Variants in ILRUN observed in about 807,000 individuals in gnomAD.
The protein encoded by ILRUN is protein ILRUN.
ILRUN carries 3 observed loss-of-function variants against 33.8 expected under a neutral mutation model. The observed-to-expected ratio is 0.09, with a 90% CI of 0.04 to 0.23. ILRUN has a LOEUF of 0.23. Ranked by LOEUF, ILRUN falls within the 10% of genes least tolerant of loss-of-function variation. The pLI is 1.00. For synonymous variants in ILRUN, 124 were observed against 138.9 expected (o/e 0.89, Z 0.75); for missense variants, 210 against 375.1 (o/e 0.56, Z 3.64).
chr6:34,666,326 G>A (rs367952111), intron 1 of ILRUN, among the ~76,000 whole-genome samples: 27 of 152,300 alleles, frequency 1.8e-4, no homozygotes, highest in African/African-American at 3.8e-4. Flanking sequence ...TTGGGAGGCC[G>A]AGGCAGGCGG....
chr6:34,619,590 A>G (rs1430406686), intron 3 of ILRUN, among the ~76,000 whole-genome samples: 1 of 152,152 alleles, frequency 6.6e-6, no homozygotes, highest in Admixed American at 6.5e-5. Flanking sequence ...CCTGGGCTGA[A>G]GTGATCCTCC....
intron 1 of ILRUN, among the ~76,000 whole-genome samples, chr6:34,666,585 A>G (rs1275712584): frequency 6.6e-6 from 1 of 152,156 alleles, no homozygotes; most frequent in Non-Finnish European, 1.5e-5. Context: ...AGAGCTATAT[A>G]CTTACAAATA....
At chr6:34,604,543 A>G (rs1000099588) in intron 4 of ILRUN, among the ~76,000 whole-genome samples, 1 of 152,198 alleles carries the variant, frequency 6.6e-6, no homozygotes, top group Non-Finnish European at 1.5e-5. Flanking sequence ...CTTAATGTTC[A>G]TCTTCCCATT....
At chr6:34,658,604 C>T (rs917106519) in intron 1 of ILRUN, among the ~76,000 whole-genome samples, 2 of 148,542 alleles carry the variant, frequency 1.3e-5, no homozygotes, top group Admixed American at 6.8e-5. Flanking sequence ...GTCAGGAATT[C>T]GAGACCAGCC....
intron 2 of ILRUN, among the ~76,000 whole-genome samples, chr6:34,649,671 C>T (rs1762623783): frequency 6.6e-6 from 1 of 152,150 alleles, no homozygotes; most frequent in Non-Finnish European, 1.5e-5. Flanking sequence ...AGTCTGGAGA[C>T]AGTAAGGAAT....
intron 3 of ILRUN, among the ~76,000 whole-genome samples, chr6:34,620,951 A>G (rs923693882): frequency 6.6e-6 from 1 of 152,256 alleles, no homozygotes; most frequent in Non-Finnish European, 1.5e-5. Flanking sequence ...ACAACAAAAC[A>G]GTAACTGTTT....
At chr6:34,628,811 G>A (rs908586757) in intron 3 of ILRUN, among the ~76,000 whole-genome samples, 8 of 151,774 alleles carry the variant, frequency 5.3e-5, no homozygotes. Context: ...ATCTTCTGAA[G>A]GAAATTGTAG....
At chr6:34,600,939 T>G (rs1165031956) in intron 4 of ILRUN, among the ~76,000 whole-genome samples, 1 of 152,216 alleles carries the variant, frequency 6.6e-6, no homozygotes, top group African/African-American at 2.4e-5. Context: ...CTTTTGTTGG[T>G]ATCCTGGTCT....
At chr6:34,632,206 T>C (rs1422225554) in intron 3 of ILRUN, among the ~76,000 whole-genome samples, 1 of 152,168 alleles carries the variant, frequency 6.6e-6, no homozygotes, top group Non-Finnish European at 1.5e-5. Context: ...TTTGGAAGGC[T>C]GAGGCGGGTA....
chr6:34,602,885 C>A (rs1023720504), intron 4 of ILRUN, among the ~76,000 whole-genome samples: 1 of 152,302 alleles, frequency 6.6e-6, no homozygotes, highest in Non-Finnish European at 1.5e-5. Flanking sequence ...AGGGAGCTTA[C>A]GATTCAAGAA....
chr6:34,695,940 A>G (rs1032135544), intron 1 of ILRUN, among the ~76,000 whole-genome samples: 2 of 149,810 alleles, frequency 1.3e-5, no homozygotes, highest in African/African-American at 2.5e-5. Flanking sequence ...CTCAGCTCCT[A>G]ACTCCCAAGC....
At chr6:34,667,417 A>G (rs1038764049) in intron 1 of ILRUN, among the ~76,000 whole-genome samples, 3 of 152,222 alleles carry the variant, frequency 2.0e-5, no homozygotes, top group Non-Finnish European at 4.4e-5. Flanking sequence ...GAAGAATGCC[A>G]AACAATAAAT....
intron 2 of ILRUN, among the ~76,000 whole-genome samples, chr6:34,653,288 T>C (rs1762707441): frequency 6.6e-6 from 1 of 152,128 alleles, no homozygotes; most frequent in Admixed American, 6.5e-5. Context: ...TGAAGTGCAG[T>C]GGCATGATTT....
chr6:34,672,435 G>A (rs1490341251), intron 1 of ILRUN, among the ~76,000 whole-genome samples: 1 of 152,024 alleles, frequency 6.6e-6, no homozygotes, highest in Non-Finnish European at 1.5e-5. Flanking sequence ...TACGTAGTGG[G>A]CCGGGTGTGG....
intron 3 of ILRUN, among the ~76,000 whole-genome samples, chr6:34,608,688 TG>T (rs139505548): frequency 0.021 from 3,225 of 152,328 alleles, 119 homozygotes; most frequent in African/African-American, 0.07. Context: ...CCACCATCAC[TG>T]ACCAAAACAT....
chr6:34,658,979 G>T (rs576818311), intron 1 of ILRUN, among the ~76,000 whole-genome samples: 12 of 152,234 alleles, frequency 7.9e-5, no homozygotes, highest in Middle Eastern at 3.2e-3. Flanking sequence ...GTATGCAAAT[G>T]TCCTGGTTGG....
At chr6:34,671,847 G>C (rs978031622) in intron 1 of ILRUN, 1 of 152,220 alleles carries the variant, frequency 6.6e-6, no homozygotes, top group Non-Finnish European at 1.5e-5. Flanking sequence ...TGAAAAAGTT[G>C]AATCTTCCTT....
intron 3 of ILRUN, among the ~76,000 whole-genome samples, chr6:34,640,579 G>A (rs1361673754): frequency 5.3e-5 from 8 of 151,448 alleles, no homozygotes; most frequent in South Asian, 4.2e-4. Context: ...GTGTGGTGGC[G>A]CGCACCTGTA....
chr6:34,696,388 C>T, intron 1 of ILRUN, 58 bp downstream of exon 1: 2 of 1,505,050 alleles, frequency 1.3e-6, no homozygotes, highest in Non-Finnish European at 1.8e-6. Flanking sequence ...GTGTCCCTTC[C>T]CTTCCCCTCG....
Sources: gnomAD v4.1 joint callset for allele counts (sites outside exome capture counted in the v4.1 genomes callset) on GRCh38, gnomAD v4.1.1 for gene constraint, MANE v1.5 for transcripts, NCBI Gene and HGNC (gene_info 2026-07-23, HGNC 2026-07-21) for gene names.